The following CDH13 variants were observed in gnomAD, a reference collection of about 807,000 sequenced individuals.
The protein encoded by CDH13 is cadherin 13.
Under a neutral mutation model 63.8 loss-of-function variants are expected in CDH13, and 24 were observed. That is an observed-to-expected ratio of 0.38 (90% CI 0.27 to 0.53). The LOEUF is 0.53. Among genes scored for constraint, CDH13 ranks in the 20% least tolerant of loss-of-function variants. The pLI is 0.85. For synonymous variants in CDH13, 503 were observed against 355.3 expected, an observed-to-expected ratio of 1.42 and a Z score of -4.67; for missense variants, 1,049 against 903.1, an observed-to-expected ratio of 1.16 and a Z score of -2.07.
intron 2 of CDH13, among the ~76,000 whole-genome samples, chr16:82,985,824 T>TAGTG (rs1255069723): frequency 4.6e-5 from 7 of 152,296 alleles, no homozygotes; most frequent in African/African-American, 1.7e-4. Flanking sequence ...GTTCTCATGA[T>TAGTG]AGTGAGTGAG....
chr16:83,552,790 C>T (rs962847948), intron 7 of CDH13, among the ~76,000 whole-genome samples: 2 of 152,140 alleles, frequency 1.3e-5, no homozygotes, highest in South Asian at 2.1e-4. Context: ...CTTTCAAAGA[C>T]GTGGTTATTG....
intron 1 of CDH13, among the ~76,000 whole-genome samples, chr16:82,628,548 C>T (rs1335664344): frequency 1.3e-5 from 2 of 152,100 alleles, no homozygotes; most frequent in Non-Finnish European, 2.9e-5. Context: ...ATTCAAGTGC[C>T]CGGCTGCTGA....
chr16:83,546,448 A>T (rs1349714715), intron 7 of CDH13, among the ~76,000 whole-genome samples: 1 of 151,426 alleles, frequency 6.6e-6, no homozygotes, highest in East Asian at 1.9e-4. Context: ...TTTTTTAATC[A>T]AAGAAGAAAA....
intron 3 of CDH13, among the ~76,000 whole-genome samples, chr16:83,114,745 T>C (rs1237700713): frequency 1.3e-5 from 2 of 152,194 alleles, no homozygotes; most frequent in African/African-American, 4.8e-5. Flanking sequence ...TGGGTTTTTC[T>C]TCCTTAAGTA....
At chr16:83,434,863 G>A (rs948158319) in intron 6 of CDH13, among the ~76,000 whole-genome samples, 3 of 81,760 alleles carry the variant, frequency 3.7e-5, no homozygotes, top group African/African-American at 5.2e-5. Flanking sequence ...GTGCGTGTGT[G>A]TGTGTGTGTG....
chr16:83,065,790 G>A (rs1000539138), intron 3 of CDH13, among the ~76,000 whole-genome samples: 2 of 151,868 alleles, frequency 1.3e-5, no homozygotes, highest in African/African-American at 4.8e-5. Flanking sequence ...GCTGTTTCCT[G>A]CACTCTCTTC....
At chr16:83,175,315 A>T (rs1019508511) in intron 4 of CDH13, among the ~76,000 whole-genome samples, 3 of 152,154 alleles carry the variant, frequency 2.0e-5, no homozygotes, top group African/African-American at 7.2e-5. Context: ...ATATGAAGTT[A>T]TCAATAGTTT....
chr16:83,014,758 A>ATATATATATATATG (rs1914541539), intron 2 of CDH13, among the ~76,000 whole-genome samples: 1 of 51,912 alleles, frequency 1.9e-5, no homozygotes, highest in African/African-American at 6.6e-5. Context: ...ATATATATAT[A>ATATATATATATATG]TATATATATA....
At chr16:83,785,921 C>T (rs2151014683) in intron 13 of CDH13, among the ~76,000 whole-genome samples, 1 of 152,282 alleles carries the variant, frequency 6.6e-6, no homozygotes, top group East Asian at 1.9e-4. Flanking sequence ...CAGTGTCCTC[C>T]AATCTTGTCC....
At chr16:83,030,923 A>C (rs1430979995) in intron 2 of CDH13, among the ~76,000 whole-genome samples, 1 of 151,848 alleles carries the variant, frequency 6.6e-6, no homozygotes, top group African/African-American at 2.4e-5. Flanking sequence ...TTCACCTAAA[A>C]ACATATGGAC....
intron 1 of CDH13, among the ~76,000 whole-genome samples, chr16:82,723,932 G>C (rs1314546853): frequency 1.3e-5 from 2 of 152,082 alleles, no homozygotes; most frequent in Non-Finnish European, 2.9e-5. Context: ...ACTCCTTGCA[G>C]GCAATAACAG....
chr16:83,308,593 A>C (rs2089931744), intron 5 of CDH13, among the ~76,000 whole-genome samples: 1 of 152,248 alleles, frequency 6.6e-6, no homozygotes, highest in Non-Finnish European at 1.5e-5. Context: ...GGCTTTATGA[A>C]AACATTAGTG....
rs531497401 is a variant in CDH13, at chr16:83,127,414, A to G, written c.483+1913A>G. Among the ~76,000 whole-genome samples the G allele has an allele frequency of 3.1e-3, 474 of 152,318 alleles. 5 individuals carry two copies. The Middle Eastern group carries it at 0.054, about 17-fold the overall frequency. ...AGAGGGGAGTTTGGTGGTGATCTGA[A>G]CAAAGGTGACTTGGACTATTGAAAA... On this transcript the variant is annotated intron_variant, in intron 4 of 13. Transcript: ENST00000567109.
chr16:82,766,010 C>A (rs1193875585), intron 1 of CDH13, among the ~76,000 whole-genome samples: 1 of 152,162 alleles, frequency 6.6e-6, no homozygotes, highest in African/African-American at 2.4e-5. Flanking sequence ...ATAGAGAAAT[C>A]TACAGCAACT....
chr16:82,725,545 G>T (rs929029726), intron 1 of CDH13, among the ~76,000 whole-genome samples: 6 of 152,188 alleles, frequency 3.9e-5, no homozygotes, highest in African/African-American at 1.4e-4. Flanking sequence ...ATGGTAAAAT[G>T]ATCTGCATAA....
At chr16:83,569,118 C>T (rs1376407588) in intron 7 of CDH13, among the ~76,000 whole-genome samples, 5 of 152,138 alleles carry the variant, frequency 3.3e-5, no homozygotes, top group Non-Finnish European at 7.4e-5. Context: ...TAATGTTATT[C>T]CACAAACCTA....
intron 2 of CDH13, chr16:82,954,893 C>T (rs1905837713): frequency 6.6e-6 from 1 of 152,136 alleles, no homozygotes; most frequent in Non-Finnish European, 1.5e-5. Context: ...AATATCTGAT[C>T]TTTTGTGCCT....
intron 6 of CDH13, among the ~76,000 whole-genome samples, chr16:83,452,794 T>C (rs2072919537): frequency 6.6e-6 from 1 of 152,222 alleles, no homozygotes; most frequent in South Asian, 2.1e-4. Flanking sequence ...AGAGAAGTAT[T>C]CGTGGATGAA....
At chr16:83,393,575 G>C (rs570260176) in intron 6 of CDH13, among the ~76,000 whole-genome samples, 1 of 152,140 alleles carries the variant, frequency 6.6e-6, no homozygotes, top group Non-Finnish European at 1.5e-5. Flanking sequence ...AGTTTTGTGC[G>C]GAGGAGACAT....
Sources: gnomAD v4.1 joint callset for allele counts (sites outside exome capture counted in the v4.1 genomes callset) on GRCh38, gnomAD v4.1.1 for gene constraint, MANE v1.5 for transcripts, NCBI Gene and HGNC (gene_info 2026-07-23, HGNC 2026-07-21) for gene names.